The following MCTP2 variants were observed in gnomAD, a reference collection of about 807,000 sequenced individuals.
MCTP2 encodes the protein multiple C2 and transmembrane domain containing 2, also known as multiple C2 and transmembrane domain-containing protein 2.
A neutral mutation model predicts 111.6 loss-of-function variants in MCTP2; 132 were observed. The observed-to-expected ratio is 1.18, with a 90% confidence interval of 1.03 to 1.37. The LOEUF is 1.37. Ranked by LOEUF, MCTP2 falls within the 40% of genes most tolerant of loss-of-function variation. MCTP2 has a pLI of 0.00. For missense variants in MCTP2, 1,183 were observed against 1,067.9 expected, an observed-to-expected ratio of 1.11 and a Z score of -1.50; for synonymous variants, 395 against 387.7, an observed-to-expected ratio of 1.02 and a Z score of -0.22.
At chr15:94,345,212 C>G (rs765177265) in intron 8 of MCTP2, 48 bp downstream of exon 8, 68 of 1,564,532 alleles carry the variant, frequency 4.3e-5, no homozygotes, top group Non-Finnish European at 5.9e-5. Flanking sequence ...AAAACTTTGT[C>G]TTTGTAGCAA....
intron 11 of MCTP2, among the ~76,000 whole-genome samples, chr15:94,368,940 G>A (rs188401803): frequency 2.0e-5 from 3 of 152,330 alleles, no homozygotes; most frequent in African/African-American, 7.2e-5. Flanking sequence ...GAAATAGTGA[G>A]TGCTTCTTCA....
intron 1 of MCTP2, among the ~76,000 whole-genome samples, chr15:94,255,286 A>G (rs2072693573): frequency 6.6e-6 from 1 of 152,180 alleles, no homozygotes; most frequent in African/African-American, 2.4e-5. Context: ...GACCTAATAT[A>G]GAAAGAGTTT....
At chr15:94,311,114 A>G (rs972039937) in intron 2 of MCTP2, among the ~76,000 whole-genome samples, 2 of 151,320 alleles carry the variant, frequency 1.3e-5, no homozygotes, top group African/African-American at 2.4e-5. Context: ...AACCTCCACA[A>G]CCTGGGTTCA....
At chr15:94,443,551 G>T (rs1190519528) in intron 19 of MCTP2, among the ~76,000 whole-genome samples, 4 of 152,206 alleles carry the variant, frequency 2.6e-5, no homozygotes, top group African/African-American at 9.6e-5. Context: ...CCCTTCACCT[G>T]TGGGTATCTG....
At chr15:94,323,877 C>T (rs778674678) in intron 4 of MCTP2, among the ~76,000 whole-genome samples, 1 of 152,226 alleles carries the variant, frequency 6.6e-6, no homozygotes, top group African/African-American at 2.4e-5. Context: ...TTTCTACTCT[C>T]CTTTTCTTCA....
chr15:94,287,456 A>T (rs2074814362), intron 1 of MCTP2, among the ~76,000 whole-genome samples: 1 of 151,958 alleles, frequency 6.6e-6, no homozygotes, highest in Non-Finnish European at 1.5e-5. Flanking sequence ...AAGGATCCTT[A>T]TTTTCTCTGG....
intron 1 of MCTP2, among the ~76,000 whole-genome samples, chr15:94,239,905 A>G (rs2070815526): frequency 6.6e-6 from 1 of 152,206 alleles, no homozygotes; most frequent in Non-Finnish European, 1.5e-5. Flanking sequence ...CAGTAATAAC[A>G]GACTGGTATT....
At chr15:94,346,186 A>G (rs74028594) in intron 8 of MCTP2, among the ~76,000 whole-genome samples, 5,303 of 152,238 alleles carry the variant, frequency 0.035, 309 homozygotes, top group African/African-American at 0.12. Flanking sequence ...CTAGTCACTT[A>G]AGAAGAAAGC....
In MCTP2 at chr15:94,244,388, A is replaced by G. The variant is rs538845893; in HGVS notation, c.-66+12724A>G. The stretch of plus-strand genomic sequence containing the variant: ...TATATATACGTATATGTATACACAT[A>G]AATATGTATATTTATATTCGTATAT... On this transcript the variant is annotated intron_variant, in intron 1 of 22. Coordinates refer to ENST00000357742, the MANE Select transcript of MCTP2 (RefSeq NM_001385001.1). Among the ~76,000 whole-genome samples the G allele has an allele frequency of 4.2e-4, 63 of 149,926 alleles. 1 individual carries two copies. The South Asian group carries it at 0.013, about 32-fold the overall frequency.
chr15:94,357,651 T>C (rs1459703227), intron 9 of MCTP2, among the ~76,000 whole-genome samples: 1 of 152,140 alleles, frequency 6.6e-6, no homozygotes. Flanking sequence ...TTACATGACA[T>C]TGGCTACAGC....
Position 94,479,245 on chromosome 15 carries a change from C to A in MCTP2, c.*211C>A. 1 of 585,722 alleles carries A rather than the reference C, an allele frequency of 1.7e-6. No individual in the cohort carries two copies. The highest frequency in any genetic ancestry group is 3.1e-6 in the Non-Finnish European group (1 of 325,258). 36.3% of individuals were successfully genotyped at this position (585,722 alleles called of 1,614,324 possible). ...TGTCCTAGTTGCGTAGAGGGTCAGC[C>A]CAGCGAAAAGCAACAACCCCAAGAC... On this transcript the variant is annotated 3_prime_UTR_variant, in exon 23 of 23. Coordinates refer to ENST00000357742, the MANE Select transcript of MCTP2 (RefSeq NM_001385001.1).
chr15:94,328,692 ACT>A (rs1459861043), intron 4 of MCTP2, among the ~76,000 whole-genome samples: 1 of 151,708 alleles, frequency 6.6e-6, no homozygotes, highest in Admixed American at 6.6e-5. Flanking sequence ...TATTCTTGAG[ACT>A]CTCTCTATGT....
chr15:94,301,333 G>A (rs1214915292), intron 2 of MCTP2, among the ~76,000 whole-genome samples: 3 of 152,046 alleles, frequency 2.0e-5, no homozygotes, highest in East Asian at 1.9e-4. Flanking sequence ...CCTCCTCACC[G>A]GCTCCTCCCC....
intron 1 of MCTP2, among the ~76,000 whole-genome samples, chr15:94,274,711 A>G (rs1326262085): frequency 6.6e-6 from 1 of 152,150 alleles, no homozygotes; most frequent in African/African-American, 2.4e-5. Context: ...CTATTAAATA[A>G]TTTAAATTTA....
At chr15:94,467,096 C>T (rs765994869) in intron 20 of MCTP2, among the ~76,000 whole-genome samples, 13 of 151,936 alleles carry the variant, frequency 8.6e-5, no homozygotes, top group Non-Finnish European at 1.5e-4. Context: ...GTATGGAATC[C>T]CCTCACCAAC....
chr15:94,412,945 C>T (rs2082217342), intron 17 of MCTP2, among the ~76,000 whole-genome samples: 1 of 152,114 alleles, frequency 6.6e-6, no homozygotes, highest in Admixed American at 6.6e-5. Context: ...ATTAACTGCA[C>T]CTCTTTCGGC....
At chr15:94,277,448 A>G (rs999418063) in intron 1 of MCTP2, among the ~76,000 whole-genome samples, 3 of 152,196 alleles carry the variant, frequency 2.0e-5, no homozygotes, top group African/African-American at 7.2e-5. Flanking sequence ...AGTCAAATGG[A>G]TAAACTATGG....
intron 17 of MCTP2, among the ~76,000 whole-genome samples, chr15:94,421,639 C>T (rs753193038): frequency 3.3e-5 from 5 of 152,180 alleles, no homozygotes; most frequent in Non-Finnish European, 5.9e-5. Context: ...GTTCTCCTGT[C>T]ACATCACTCT....
chr15:94,341,242 A>T, intron 7 of MCTP2: 1 of 309,192 alleles, frequency 3.2e-6, no homozygotes, highest in Admixed American at 4.6e-5. Context: ...TTTTGGGAAG[A>T]TACAAATTTT....
Sources: gnomAD v4.1 joint callset for allele counts (sites outside exome capture counted in the v4.1 genomes callset) on GRCh38, gnomAD v4.1.1 for gene constraint, MANE v1.5 for transcripts, NCBI Gene and HGNC (gene_info 2026-07-23, HGNC 2026-07-21) for gene names.